HAUS6: variants seen among roughly 807,000 people sequenced by gnomAD.
HAUS6 encodes HAUS augmin-like complex subunit 6.
Under a neutral mutation model 106.8 loss-of-function variants are expected in HAUS6, and 80 were observed. That is an observed-to-expected ratio of 0.75 (90% CI 0.63 to 0.90). HAUS6 has a LOEUF of 0.90. Ranked by LOEUF, HAUS6 falls within the 40% of genes least tolerant of loss-of-function variation. HAUS6 has a pLI of 0.00. For synonymous variants in HAUS6, 356 were observed against 379.1 expected, an observed-to-expected ratio of 0.94 and a Z score of 0.71; for missense variants, 1,155 against 1,118.1, an observed-to-expected ratio of 1.03 and a Z score of -0.47.
chr9:19,094,227 A>G (rs1817813547), intron 3 of HAUS6, 90 bp downstream of exon 3: 10 of 711,980 alleles, frequency 1.4e-5, no homozygotes, highest in African/African-American at 3.6e-5. Context: ...GCATTAAAGC[A>G]TTAAAAGGAT....
At chr9:19,085,890 G>A (rs1837281963) in intron 7 of HAUS6, among the ~76,000 whole-genome samples, 1 of 151,566 alleles carries the variant, frequency 6.6e-6, no homozygotes, top group South Asian at 2.1e-4. Context: ...AAACCCTTTT[G>A]AATATAATTA....
intron 11 of HAUS6, among the ~76,000 whole-genome samples, chr9:19,074,452 T>G (rs1836947844): frequency 6.6e-6 from 1 of 152,044 alleles, no homozygotes; most frequent in Non-Finnish European, 1.5e-5. Context: ...TTCATTTTTT[T>G]GTAGAGAATG....
At chr9:19,059,414 A>G (rs1267283326) in intron 15 of HAUS6, among the ~76,000 whole-genome samples, 2 of 152,252 alleles carry the variant, frequency 1.3e-5, no homozygotes, top group Admixed American at 6.5e-5. Flanking sequence ...AGCCATAAAC[A>G]ATGTCAACAA....
chr9:19,078,580 G>A (rs1350860560), intron 9 of HAUS6, among the ~76,000 whole-genome samples: 1 of 152,032 alleles, frequency 6.6e-6, no homozygotes, highest in African/African-American at 2.4e-5. Context: ...CTGAGGTCAG[G>A]AGTTCAAGAC....
rs764294007 is a variant in HAUS6, at chr9:19,058,150, C to T, written c.2617G>A (p.Val873Ile). Residue 873 changes from valine (V) to isoleucine (I), a missense_variant, in exon 16 of 17, where the codon GTA becomes ATA. Around this residue, in one of 3 missense-constraint regions of HAUS6, gnomAD observed 380 missense variants for 394.8 expected, o/e 0.96. Coordinates refer to ENST00000380502, the MANE Select transcript of HAUS6 (RefSeq NM_017645.5). ...AAGTTAAGCGTATCATCTGTTTGTA[C>T]ATTTTGGGGAGTAGGGCTCAATTCT... ...KPELSPTPQN[V>I]QTDDTLNFLD... is the part of the protein sequence containing the mutation. 3.7e-6 allele frequency: 6 copies of T among 1,613,830 alleles called. No individual in the cohort carries two copies. Among genetic ancestry groups the T allele is most frequent in the African/African-American group, 1.3e-5 (1 of 74,904 alleles).
At chr9:19,101,163 T>C (rs2131162606) in intron 1 of HAUS6, among the ~76,000 whole-genome samples, 1 of 152,370 alleles carries the variant, frequency 6.6e-6, no homozygotes, top group East Asian at 1.9e-4. Context: ...CTGATCCTTA[T>C]ACATTGTATA....
At chr9:19,085,273 A>G (rs1000454240) in intron 7 of HAUS6, among the ~76,000 whole-genome samples, 1 of 152,176 alleles carries the variant, frequency 6.6e-6, no homozygotes, top group Admixed American at 6.6e-5. Flanking sequence ...GTACTCAGGG[A>G]AAACAAATAT....
Position 19,089,518 on chromosome 9 carries a change from G to C in HAUS6, c.478C>G (p.Gln160Glu), listed in dbSNP as rs146258400. 11 of 1,609,992 alleles carry C rather than the reference G, an allele frequency of 6.8e-6. No homozygotes were observed. Among genetic ancestry groups the C allele is most frequent in the African/African-American group, 4.0e-5 (3 of 74,852 alleles). The change falls in exon 5 of 17, where the codon CAG becomes GAG. Residue 160 changes from glutamine to glutamate, a missense_variant. Gln to Glu is a conservative substitution (Grantham distance 29). This residue lies in a region of HAUS6 where 761 missense variants were observed against 690.0 expected (regional missense o/e 1.10). Coordinates refer to ENST00000380502, the MANE Select transcript of HAUS6 (RefSeq NM_017645.5). ...CTGGCAATGCATTTGTGCAAGTCCT[G>C]TGGTTTTATGTTAAATGTCTCTACA... ...HFVETFNIKP[Q>E]DLHKCIARCH...
intron 4 of HAUS6, among the ~76,000 whole-genome samples, chr9:19,091,651 C>G (rs1817752022): frequency 6.6e-6 from 1 of 151,970 alleles, no homozygotes; most frequent in Admixed American, 6.6e-5. Context: ...GAGACCCACC[C>G]CATCTCTTAA....
In HAUS6 at chr9:19,056,217, G is replaced by T. The variant is rs1006044908; in HGVS notation, c.*126C>A. The T allele has an allele frequency of 1.0e-5, 6 of 582,030 alleles. No individual in the cohort carries two copies. The African/African-American group carries it at 1.1e-4, about 11-fold the overall frequency. The allele number at this position is 582,030 out of a possible 1,614,324, so 36.1% of individuals were successfully genotyped here. On this transcript the variant is annotated 3_prime_UTR_variant, in exon 17 of 17. Transcript: ENST00000380502. ...TATTAAAGAAGGCTAAAAGGCATTAGGAATTTTTTTAAACCTTGAAAAACA... is the reference window on the plus strand; with the variant it reads ...TATTAAAGAAGGCTAAAAGGCATTATGAATTTTTTTAAACCTTGAAAAACA...
Position 19,098,112 on chromosome 9 carries a change from A to G in HAUS6, c.129-1343T>C, listed in dbSNP as rs368074582. Among the ~76,000 whole-genome samples, 28 of 152,276 alleles carry G rather than the reference A, an allele frequency of 1.8e-4. No individual in the cohort carries two copies. The East Asian group carries it at 1.9e-3, about 10-fold the overall frequency. ...GACACTTATTGTAATTTGTAATAAG[A>G]TATTTGTTGAAGATTTGTTCCATCG... On this transcript the variant is annotated intron_variant, in intron 1 of 16. Transcript: ENST00000380502.
chr9:19,089,515 C>T lies in HAUS6; in HGVS notation c.481G>A (p.Asp161Asn), dbSNP rs756476569. The T allele has an allele frequency of 1.3e-5, 21 of 1,610,512 alleles. No individual in the cohort carries two copies. In the South Asian group the frequency reaches 2.0e-4, roughly 15 times the overall value. The change falls in exon 5 of 17, where the codon GAC becomes AAC. Residue 161 changes from aspartate to asparagine, a missense_variant. Coordinates refer to ENST00000380502, the MANE Select transcript of HAUS6 (RefSeq NM_017645.5). ...FVETFNIKPQ[D>N]LHKCIARCHF... The stretch of plus-strand genomic sequence containing the variant: ...CATCTGGCAATGCATTTGTGCAAGT[C>T]CTGTGGTTTTATGTTAAATGTCTCT...
intron 11 of HAUS6, among the ~76,000 whole-genome samples, chr9:19,072,713 T>C (rs760336234): frequency 1.3e-5 from 2 of 152,146 alleles, no homozygotes; most frequent in African/African-American, 4.8e-5. Context: ...AATTTTACTA[T>C]TCAGAGTCCA....
At chr9:19,075,947 A>G (rs1437059891) in intron 11 of HAUS6, among the ~76,000 whole-genome samples, 3 of 151,440 alleles carry the variant, frequency 2.0e-5, no homozygotes, top group African/African-American at 7.3e-5. Flanking sequence ...CAACAGAGCA[A>G]GACTCCATCT....
At chr9:19,061,562 T>C (rs113856445) in intron 14 of HAUS6, among the ~76,000 whole-genome samples, 3 of 152,196 alleles carry the variant, frequency 2.0e-5, no homozygotes, top group African/African-American at 4.8e-5. Context: ...CAGTCAGGCA[T>C]GGTGGCTCAT....
intron 7 of HAUS6, 112 bp downstream of exon 7, chr9:19,086,622 A>T: frequency 4.4e-6 from 1 of 228,848 alleles, no homozygotes; most frequent in Non-Finnish European, 8.5e-6. Context: ...TCCAACTCCA[A>T]AAAAAAAAAA....
chr9:19,070,516 C>T (rs1443763392), intron 11 of HAUS6, among the ~76,000 whole-genome samples: 1 of 152,084 alleles, frequency 6.6e-6, no homozygotes, highest in Non-Finnish European at 1.5e-5. Flanking sequence ...GAAATGATGG[C>T]TAATACTAAA....
At chr9:19,080,866 A>G (rs1211579821) in intron 8 of HAUS6, among the ~76,000 whole-genome samples, 194 bp from the exon 9 acceptor site, 1 of 152,234 alleles carries the variant, frequency 6.6e-6, no homozygotes, top group East Asian at 1.9e-4. Flanking sequence ...TGAGGTCGGG[A>G]GTTCGAGACC....
At chr9:19,061,703 T>C (rs1273818212) in intron 14 of HAUS6, among the ~76,000 whole-genome samples, 2 of 152,190 alleles carry the variant, frequency 1.3e-5, no homozygotes, top group Admixed American at 1.3e-4. Context: ...GGCAAAGTGG[T>C]GCACGCCTAT....
Sources: gnomAD v4.1 joint callset for allele counts (sites outside exome capture counted in the v4.1 genomes callset) on GRCh38, gnomAD v4.1.1 for gene constraint, gnomAD v4.1.1 regional missense constraint, MANE v1.5 for transcripts, NCBI Gene and HGNC (gene_info 2026-07-23, HGNC 2026-07-21) for gene names.